Variants in STPG2 observed in about 807,000 individuals in gnomAD.
The protein encoded by STPG2 is sperm tail PG-rich repeat containing 2.
In STPG2, 56 loss-of-function variants were observed where a neutral mutation model predicts 54.2. The observed-to-expected ratio is 1.03, with a 90% confidence interval of 0.83 to 1.29. The LOEUF is 1.29. Ranked by LOEUF, STPG2 falls within the 50% of genes most tolerant of loss-of-function variation. STPG2 has a pLI of 0.00. For missense variants in STPG2, 596 were observed against 544.9 expected, an observed-to-expected ratio of 1.09 and a Z score of -0.93; for synonymous variants, 200 against 181.8, an observed-to-expected ratio of 1.10 and a Z score of -0.81.
chr4:98,139,673 G>A (rs1740228638), intron 1 of STPG2, among the ~76,000 whole-genome samples: 1 of 150,472 alleles, frequency 6.6e-6, no homozygotes, highest in Non-Finnish European at 1.5e-5. Flanking sequence ...TCTTAGTATT[G>A]CTAAAACAAA....
At chr4:97,693,378 G>A (rs1723441689) in intron 10 of STPG2, among the ~76,000 whole-genome samples, 1 of 151,982 alleles carries the variant, frequency 6.6e-6, no homozygotes, top group Admixed American at 6.6e-5. Flanking sequence ...AAACAAGCAG[G>A]AATAGCTATT....
rs114880774 is a variant in STPG2 at position 97,647,276 on chromosome 4, G to A, written c.1320+65423C>T. Among the ~76,000 whole-genome samples the A allele has an allele frequency of 9.2e-3, 1,406 of 152,158 alleles. 18 individuals are homozygous for A. Among genetic ancestry groups the A allele is most frequent in the African/African-American group, 0.032 (1,339 of 41,518 alleles). ...CTCAAATGCTTCAGTTTCCTTTCCT[G>A]TTGAATGAGCAAGACTCAAATGTCT... On this transcript the variant is annotated intron_variant, in intron 10 of 10. Coordinates refer to ENST00000295268, the MANE Select transcript of STPG2 (RefSeq NM_174952.3).
At chr4:98,078,542 C>T (rs963660684) in intron 5 of STPG2, among the ~76,000 whole-genome samples, 35 of 149,456 alleles carry the variant, frequency 2.3e-4, no homozygotes, top group African/African-American at 7.9e-4. Context: ...TGACCCTGAA[C>T]GTTAATGAAC....
chr4:97,713,525 C>G (rs1248582987), intron 9 of STPG2, among the ~76,000 whole-genome samples: 3 of 152,184 alleles, frequency 2.0e-5, no homozygotes, highest in African/African-American at 4.8e-5. Flanking sequence ...ATTAAATAGT[C>G]ATGAAAAGTG....
At chr4:98,001,658 A>T (rs1343816543) in intron 5 of STPG2, among the ~76,000 whole-genome samples, 1 of 152,174 alleles carries the variant, frequency 6.6e-6, no homozygotes, top group Non-Finnish European at 1.5e-5. Context: ...AATGCCTGCT[A>T]GGACAAGGCA....
intron 7 of STPG2, among the ~76,000 whole-genome samples, chr4:97,958,510 T>A (rs907212296): frequency 6.6e-6 from 1 of 152,006 alleles, no homozygotes; most frequent in Admixed American, 6.6e-5. Flanking sequence ...ACCTGACACA[T>A]AAGAACTCAT....
At chr4:97,947,777 T>A (rs1560604696) in intron 7 of STPG2, among the ~76,000 whole-genome samples, 2 of 152,126 alleles carry the variant, frequency 1.3e-5, no homozygotes, top group African/African-American at 4.8e-5. Flanking sequence ...ATGTATTATC[T>A]TTCTGATGTG....
intron 9 of STPG2, among the ~76,000 whole-genome samples, chr4:97,789,158 T>C (rs982210594): frequency 3.0e-4 from 45 of 152,142 alleles, no homozygotes; most frequent in African/African-American, 1.1e-3. Flanking sequence ...TTCTTCATCA[T>C]AAAATGGAGA....
intron 5 of STPG2, among the ~76,000 whole-genome samples, chr4:98,031,441 G>A (rs1300766954): frequency 6.6e-6 from 1 of 152,154 alleles, no homozygotes; most frequent in African/African-American, 2.4e-5. Flanking sequence ...CACTTTGGGA[G>A]GCTGAGATGG....
At chr4:98,142,153 C>G (rs1436781726) in intron 1 of STPG2, among the ~76,000 whole-genome samples, 1 of 152,136 alleles carries the variant, frequency 6.6e-6, no homozygotes, top group Non-Finnish European at 1.5e-5. Context: ...ATACCAGATA[C>G]TGTGAAGCAG....
At chr4:97,564,798 G>C (rs1029376621) in intron 10 of STPG2, among the ~76,000 whole-genome samples, 1 of 152,208 alleles carries the variant, frequency 6.6e-6, no homozygotes, top group African/African-American at 2.4e-5. Context: ...TCTGCCGAGA[G>C]ATCCATGGTT....
rs139557059 is a variant in STPG2, at chr4:97,696,579, A to G, written c.1320+16120T>C. On this transcript the variant is annotated intron_variant, in intron 10 of 10. Transcript: ENST00000295268. ...CAGCAAAAGAAATAATCAGCAGAGT[A>G]AACACAAAACCCACAGAGTGGGAGA... Among the ~76,000 whole-genome samples, 1,094 of 152,348 alleles carry G rather than the reference A, an allele frequency of 7.2e-3. 14 individuals are homozygous for G. Among genetic ancestry groups the G allele is most frequent in the South Asian group, 0.018 (85 of 4,830 alleles).
chr4:98,062,936 G>C (rs1002635665), intron 5 of STPG2, among the ~76,000 whole-genome samples: 1 of 151,592 alleles, frequency 6.6e-6, no homozygotes, highest in African/African-American at 2.4e-5. Flanking sequence ...TTGTTGTAAA[G>C]ACTAGGTCTT....
intron 5 of STPG2, among the ~76,000 whole-genome samples, chr4:98,044,699 T>C (rs779493215): frequency 3.9e-5 from 6 of 152,128 alleles, no homozygotes; most frequent in Admixed American, 6.6e-5. Flanking sequence ...ATTCTACCAA[T>C]AAACAGTCTA....
chr4:98,041,790 TTTTC>T (rs1456845191), intron 5 of STPG2, among the ~76,000 whole-genome samples: 4 of 151,952 alleles, frequency 2.6e-5, no homozygotes, highest in Non-Finnish European at 4.4e-5. Context: ...TGTTCTGTAG[TTTTC>T]TTTTTGTGTT....
chr4:98,070,116 C>A (rs1737955740), intron 5 of STPG2, among the ~76,000 whole-genome samples: 1 of 151,946 alleles, frequency 6.6e-6, no homozygotes, highest in Non-Finnish European at 1.5e-5. Flanking sequence ...AAAAATTCCT[C>A]AAAAAAATAC....
intron 10 of STPG2, among the ~76,000 whole-genome samples, chr4:97,559,559 T>C (rs903144593): frequency 6.6e-6 from 1 of 152,234 alleles, no homozygotes; most frequent in Non-Finnish European, 1.5e-5. Context: ...ATTTTTCCTC[T>C]GAAATTTGCA....
chr4:97,984,441 G>C (rs1012233591), intron 5 of STPG2, among the ~76,000 whole-genome samples: 1 of 151,912 alleles, frequency 6.6e-6, no homozygotes, highest in Non-Finnish European at 1.5e-5. Flanking sequence ...CACCGCACCC[G>C]CCCTGTTTCC....
intron 5 of STPG2, among the ~76,000 whole-genome samples, chr4:98,102,462 A>G (rs1387239674): frequency 7.9e-5 from 12 of 152,122 alleles, no homozygotes; most frequent in Admixed American, 2.6e-4. Context: ...TTTACAGAAA[A>G]AGCTTTCTAA....
Sources: gnomAD v4.1 joint callset for allele counts (sites outside exome capture counted in the v4.1 genomes callset) on GRCh38, gnomAD v4.1.1 for gene constraint, MANE v1.5 for transcripts, NCBI Gene and HGNC (gene_info 2026-07-23, HGNC 2026-07-21) for gene names.